DPF3: variants seen among roughly 807,000 people sequenced by gnomAD.
DPF3 encodes the protein zinc finger protein DPF3.
Under a neutral mutation model 56.8 loss-of-function variants are expected in DPF3, and 18 were observed. The ratio of observed to expected loss-of-function variants is 0.32; its 90% CI spans 0.22 to 0.47. The LOEUF (loss-of-function observed/expected upper bound fraction) is 0.47. DPF3 is among the 20% of genes least tolerant of loss of function. The pLI is 1.00. For synonymous variants in DPF3, 188 were observed against 180.2 expected (o/e 1.04, Z -0.35); for missense variants, 403 against 488.8 (o/e 0.82, Z 1.65).
chr14:72,670,564 C>T, intron 8 of DPF3: 1 of 987,528 alleles, frequency 1.0e-6, no homozygotes, highest in Middle Eastern at 5.2e-4. Flanking sequence ...AACCGTCTCC[C>T]ATTGAGGAAA....
chr14:72,877,782 C>G (rs1456089231), intron 1 of DPF3, among the ~76,000 whole-genome samples: 1 of 152,110 alleles, frequency 6.6e-6, no homozygotes, highest in Non-Finnish European at 1.5e-5. Flanking sequence ...TCCCTGCTAC[C>G]CTGTGCATAA....
chr14:72,873,775 G>A (rs544607337), intron 1 of DPF3, among the ~76,000 whole-genome samples: 3 of 152,164 alleles, frequency 2.0e-5, no homozygotes, highest in East Asian at 3.9e-4. Context: ...CCCTTGTAGG[G>A]ACATGGATGA....
At chr14:72,659,553 G>A (rs1296420312) in intron 8 of DPF3, among the ~76,000 whole-genome samples, 1 of 152,124 alleles carries the variant, frequency 6.6e-6, no homozygotes, top group Non-Finnish European at 1.5e-5. Context: ...TCATCCCTGT[G>A]AGCAGCCCAA....
chr14:72,688,472 T>A (rs911688336), intron 7 of DPF3, among the ~76,000 whole-genome samples: 2 of 152,210 alleles, frequency 1.3e-5, no homozygotes, highest in African/African-American at 4.8e-5. Flanking sequence ...CTATAATCAA[T>A]TCCCACTGTG....
intron 1 of DPF3, among the ~76,000 whole-genome samples, chr14:72,829,944 C>T (rs1449652162): frequency 1.3e-5 from 2 of 152,132 alleles, no homozygotes; most frequent in African/African-American, 4.8e-5. Context: ...TGGGGTTTCA[C>T]CATGTTGACC....
intron 8 of DPF3, chr14:72,670,384 C>T (rs370081985): frequency 1.0e-5 from 10 of 986,034 alleles, no homozygotes; most frequent in East Asian, 1.1e-4. Flanking sequence ...GCCCAGGAGG[C>T]GGCTGGTCAG....
At chr14:72,658,143 A>G (rs912080378) in intron 8 of DPF3, among the ~76,000 whole-genome samples, 4 of 152,238 alleles carry the variant, frequency 2.6e-5, no homozygotes, top group Non-Finnish European at 4.4e-5. Flanking sequence ...AAAATAATGT[A>G]AAGAGTGTAA....
intron 1 of DPF3, among the ~76,000 whole-genome samples, chr14:72,811,514 T>C (rs903668399): frequency 5.3e-5 from 8 of 152,110 alleles, no homozygotes; most frequent in Non-Finnish European, 1.2e-4. Context: ...TATGATAAAA[T>C]AAATTTCTGT....
At chr14:72,658,906 G>A (rs1160137373) in intron 8 of DPF3, among the ~76,000 whole-genome samples, 5 of 152,126 alleles carry the variant, frequency 3.3e-5, no homozygotes, top group Admixed American at 6.5e-5. Context: ...TGTTCAGTTA[G>A]GGCACTCAAA....
At chr14:72,830,612 T>A (rs549354834) in intron 1 of DPF3, among the ~76,000 whole-genome samples, 1 of 152,304 alleles carries the variant, frequency 6.6e-6, no homozygotes, top group African/African-American at 2.4e-5. Context: ...GGAATAGATG[T>A]GACGCACTTA....
intron 8 of DPF3, among the ~76,000 whole-genome samples, chr14:72,644,845 C>T (rs894313424): frequency 4.6e-5 from 7 of 152,250 alleles, no homozygotes; most frequent in African/African-American, 1.4e-4. Context: ...ATTAGGAATA[C>T]ATCACCAGAA....
At chr14:72,643,348 A>G (rs535616144) in intron 8 of DPF3, among the ~76,000 whole-genome samples, 75 of 152,340 alleles carry the variant, frequency 4.9e-4, no homozygotes, top group African/African-American at 1.6e-3. Context: ...TTAAGCCTCA[A>G]TGCTCCATGC....
chr14:72,731,601 C>T (rs954571147), intron 4 of DPF3: 12 of 618,096 alleles, frequency 1.9e-5, no homozygotes, highest in African/African-American at 3.7e-5. Flanking sequence ...GGAAGGGAAC[C>T]GAGGTGAAGG....
At chr14:72,863,677 G>T (rs1885545888) in intron 1 of DPF3, among the ~76,000 whole-genome samples, 1 of 152,020 alleles carries the variant, frequency 6.6e-6, no homozygotes, top group Non-Finnish European at 1.5e-5. Flanking sequence ...TTTTGAATGT[G>T]CATTGAGCCA....
chr14:72,655,369 C>A (rs1886033835), intron 8 of DPF3, among the ~76,000 whole-genome samples: 1 of 152,196 alleles, frequency 6.6e-6, no homozygotes, highest in African/African-American at 2.4e-5. Context: ...ACATAGTAGA[C>A]AACCATGAAT....
intron 1 of DPF3, among the ~76,000 whole-genome samples, chr14:72,888,231 C>T (rs1886623497): frequency 6.6e-6 from 1 of 152,158 alleles, no homozygotes; most frequent in Non-Finnish European, 1.5e-5. Context: ...CCTTCCCTTG[C>T]CACTGCCTGC....
chr14:72,644,913 C>G (rs1471372765), intron 8 of DPF3, among the ~76,000 whole-genome samples: 1 of 152,192 alleles, frequency 6.6e-6, no homozygotes, highest in Non-Finnish European at 1.5e-5. Context: ...CATTCTATCC[C>G]ATACCCAGGG....
At chr14:72,719,018 CCTTGG>C (rs1889057027) in intron 5 of DPF3, among the ~76,000 whole-genome samples, 1 of 150,798 alleles carries the variant, frequency 6.6e-6, no homozygotes, top group African/African-American at 2.4e-5. Flanking sequence ...GATCCACCCG[CCTTGG>C]CCTCCCAAAG....
chr14:72,871,030 A>G lies in DPF3; in HGVS notation c.32+23027T>C, dbSNP rs138352093. On this transcript the variant is annotated intron_variant, in intron 1 of 10. Coordinates refer to ENST00000556509, the MANE Select transcript of DPF3 (RefSeq NM_001280542.3). ...GCAGGAGGTGAAAGGCACTTCTTAC[A>G]TGGTGGCAGCAAGAGAAAATGAGGA... 3.9e-5 allele frequency among the ~76,000 whole-genome samples: 6 copies of G among 152,156 alleles called. No homozygotes were observed. The East Asian group carries it at 5.8e-4, about 15-fold the overall frequency.
Sources: allele counts gnomAD v4.1 joint callset (sites outside exome capture counted in the v4.1 genomes callset), GRCh38; gene constraint gnomAD v4.1.1; transcripts MANE v1.5; gene names NCBI Gene and HGNC (gene_info 2026-07-23, HGNC 2026-07-21).